Variants in SYTL3 observed in about 807,000 individuals in gnomAD.
SYTL3 encodes the protein synaptotagmin-like protein 3.
Under a neutral mutation model 82.1 loss-of-function variants are expected in SYTL3, and 88 were observed. That is an observed-to-expected ratio of 1.07 (90% CI 0.90 to 1.28). The LOEUF is 1.28. SYTL3 is among the 50% of genes most tolerant of loss of function. The pLI, the probability that SYTL3 is intolerant of heterozygous loss-of-function variation, is 0.00. For synonymous variants in SYTL3, 311 were observed against 289.4 expected, an observed-to-expected ratio of 1.07 and a Z score of -0.76; for missense variants, 831 against 757.6, an observed-to-expected ratio of 1.10 and a Z score of -1.14.
At chr6:158,651,726 T>C (rs958598074) in intron 1 of SYTL3, 27 bp from the exon 2 acceptor site, 3 of 151,812 alleles carry the variant, frequency 2.0e-5, no homozygotes, top group African/African-American at 7.2e-5. Flanking sequence ...TAAAGTAATA[T>C]TTTTTGTTGT....
At position 158,663,611 on chromosome 6, in the gene SYTL3, C is replaced by T. The variant is rs899263622; in HGVS notation, c.110+233C>T. The T allele has an allele frequency of 3.0e-6, 3 of 985,198 alleles. No individual in the cohort carries two copies. In the South Asian group the frequency reaches 1.4e-4, roughly 46 times the overall value. The allele number at this position is 985,198 out of a possible 1,614,324, so 61.0% of individuals were successfully genotyped here. A position where few individuals can be genotyped will look rare whatever the true frequency, so the allele number is the denominator to read the frequency against. ...GGCCGCTCTTGTTATTCATTTAAAA[C>T]GGTGCCTTTGGGCGGTAAGTTTGCT... On this transcript the variant is annotated intron_variant, in intron 4 of 17. Coordinates refer to ENST00000611299, the MANE Select transcript of SYTL3 (RefSeq NM_001242394.2).
At chr6:158,709,274 C>T (rs1332218743) in intron 8 of SYTL3, among the ~76,000 whole-genome samples, 1 of 152,188 alleles carries the variant, frequency 6.6e-6, no homozygotes, top group East Asian at 1.9e-4. Context: ...TACCAAACAT[C>T]ATAGCATAGC....
At chr6:158,762,354 G>T in intron 16 of SYTL3, among the ~76,000 whole-genome samples, 176 bp downstream of exon 16, 1 of 152,110 alleles carries the variant, frequency 6.6e-6, no homozygotes, top group East Asian at 1.9e-4. Flanking sequence ...TTCACGGGAT[G>T]TGTACATGCT....
In SYTL3 at chr6:158,764,584, A is replaced by G. The variant is rs773291858; in HGVS notation, c.1813A>G (p.Met605Val). 1.9e-6 allele frequency: 3 copies of G among 1,613,544 alleles called. No individual in the cohort carries two copies. The highest frequency in any genetic ancestry group is 2.5e-6 in the Non-Finnish European group (3 of 1,179,468). Residue 605 changes from methionine (M) to valine (V), a missense_variant, in exon 18 of 18, where the codon ATG becomes GTG. Transcript: ENST00000611299. ...VLSSPNLWTD[M>V]TLVLH ...TTCCAGCCCCAATCTATGGACAGAC[A>G]TGACTCTTGTCCTGCACTGACATGA...
intron 8 of SYTL3, among the ~76,000 whole-genome samples, chr6:158,711,175 A>C (rs1782727842): frequency 6.6e-6 from 1 of 152,230 alleles, no homozygotes; most frequent in Non-Finnish European, 1.5e-5. Context: ...TTGCAACACC[A>C]ATACTAATTA....
chr6:158,707,598 C>T (rs949393971), intron 7 of SYTL3, among the ~76,000 whole-genome samples: 4 of 152,318 alleles, frequency 2.6e-5, no homozygotes, highest in African/African-American at 9.6e-5. Flanking sequence ...CTAAAGCAAG[C>T]ATGTGCTTTG....
intron 15 of SYTL3, among the ~76,000 whole-genome samples, chr6:158,761,201 C>T (rs1203654252): frequency 1.3e-5 from 2 of 151,958 alleles, no homozygotes; most frequent in African/African-American, 4.8e-5. Flanking sequence ...CCTCAGGGAC[C>T]CTATGGAGAT....
chr6:158,759,725 G>T (rs1237371776), intron 14 of SYTL3, among the ~76,000 whole-genome samples: 1 of 151,996 alleles, frequency 6.6e-6, no homozygotes, highest in Non-Finnish European at 1.5e-5. Flanking sequence ...GTAGACATGG[G>T]GTTTCACCAT....
chr6:158,720,138 A>T (rs1783910251), intron 10 of SYTL3, among the ~76,000 whole-genome samples: 1 of 152,068 alleles, frequency 6.6e-6, no homozygotes, highest in Admixed American at 6.6e-5. Flanking sequence ...ACCATGGCTC[A>T]TGCCTGTAAT....
chr6:158,752,793 G>A (rs1298631452), intron 13 of SYTL3, among the ~76,000 whole-genome samples: 4 of 152,232 alleles, frequency 2.6e-5, no homozygotes, highest in South Asian at 2.1e-4. Flanking sequence ...TTCTTGGCAA[G>A]TAGGGGGTGT....
At chr6:158,698,836 G>A (rs1435099122) in intron 6 of SYTL3, among the ~76,000 whole-genome samples, 1 of 143,694 alleles carries the variant, frequency 7.0e-6, no homozygotes, top group Middle Eastern at 3.5e-3. Flanking sequence ...CCTGTTAAGG[G>A]GCACATTTGC....
chr6:158,680,601 A>G (rs1000592701), intron 5 of SYTL3, among the ~76,000 whole-genome samples: 1 of 148,518 alleles, frequency 6.7e-6, no homozygotes, highest in African/African-American at 2.5e-5. Context: ...AAAACACAAA[A>G]ATCAGCCAGG....
At chr6:158,657,919 G>C (rs1161153068) in intron 2 of SYTL3, among the ~76,000 whole-genome samples, 1 of 150,092 alleles carries the variant, frequency 6.7e-6, no homozygotes, top group African/African-American at 2.5e-5. Context: ...TTGAGACGGA[G>C]TCTTGCTCTG....
intron 6 of SYTL3, among the ~76,000 whole-genome samples, chr6:158,684,496 C>T (rs983547356): frequency 1.1e-4 from 16 of 151,026 alleles, no homozygotes; most frequent in Non-Finnish European, 2.4e-4. Flanking sequence ...GGCACCGTCA[C>T]GGTGGAGTGC....
chr6:158,656,999 C>T (rs1788754668), intron 2 of SYTL3, among the ~76,000 whole-genome samples: 1 of 152,094 alleles, frequency 6.6e-6, no homozygotes, highest in African/African-American at 2.4e-5. Flanking sequence ...GTGTAAGTGA[C>T]CAGAATTTAA....
In SYTL3 at chr6:158,763,523, A is replaced by G. The variant is rs1173460528; in HGVS notation, c.1723+14A>G. 6.2e-7 allele frequency: 1 copy of G among 1,608,754 alleles called. No homozygotes were observed. Among genetic ancestry groups the G allele is most frequent in the South Asian group, 1.1e-5 (1 of 90,988 alleles). ...GACTTGGTTCAAGTAAGTCTGAGAC[A>G]TTGAGCCCAAACGTTTATACTTTGT... is the stretch of plus-strand genomic sequence containing the variant. On this transcript the variant is annotated intron_variant, in intron 17 of 17. Coordinates refer to ENST00000611299, the MANE Select transcript of SYTL3 (RefSeq NM_001242394.2).
chr6:158,754,096 C>T (rs929121551), intron 13 of SYTL3, among the ~76,000 whole-genome samples: 1 of 152,128 alleles, frequency 6.6e-6, no homozygotes, highest in African/African-American at 2.4e-5. Context: ...CTGAGGTGAG[C>T]CATCAGAGTA....
At chr6:158,707,383 C>A in intron 7 of SYTL3, 102 bp downstream of exon 7, 1 of 880,558 alleles carries the variant, frequency 1.1e-6, no homozygotes, top group Non-Finnish European at 1.7e-6. Flanking sequence ...CATGTCACTG[C>A]TTTGGAATGT....
At position 158,752,027 on chromosome 6, in the gene SYTL3, G is replaced by GA; in HGVS notation, c.1136dup (p.Tyr380ValfsTer42). On this transcript the variant is annotated frameshift_variant, in exon 13 of 18. Transcript: ENST00000611299. LOFTEE classifies it high-confidence loss of function. ...TGGACCCGACCTTTCAGGAGACCTT[G>GA]AAGGTACTTGCTGGACAGATATTCC... 6 of 1,592,352 alleles carry GA rather than the reference G, an allele frequency of 3.8e-6. No homozygotes were observed. Among genetic ancestry groups the GA allele is most frequent in the Non-Finnish European group, 5.1e-6 (6 of 1,171,676 alleles).
Sources: gnomAD v4.1 joint callset for allele counts (sites outside exome capture counted in the v4.1 genomes callset) on GRCh38, gnomAD v4.1.1 for gene constraint, MANE v1.5 for transcripts, NCBI Gene and HGNC (gene_info 2026-07-23, HGNC 2026-07-21) for gene names.